The following SYF2 variants were observed in gnomAD, a reference collection of about 807,000 sequenced individuals.
SYF2 encodes the protein pre-mRNA-splicing factor SYF2.
A neutral mutation model predicts 32.7 loss-of-function variants in SYF2; 21 were observed. The observed-to-expected ratio is 0.64, with a 90% CI of 0.45 to 0.92. SYF2 has a LOEUF of 0.92. Among genes scored for constraint, SYF2 ranks in the 40% least tolerant of loss-of-function variants. SYF2 has a pLI of 0.00. For synonymous variants in SYF2, 114 were observed against 103.9 expected, an observed-to-expected ratio of 1.10 and a Z score of -0.59; for missense variants, 278 against 296.5, an observed-to-expected ratio of 0.94 and a Z score of 0.46.
intron 2 of SYF2, chr1:25,230,818 G>A (rs1470315904): frequency 7.0e-6 from 1 of 142,802 alleles, no homozygotes; most frequent in African/African-American, 3.0e-5. Context: ...AGGTATCTTA[G>A]ATTTTTTTTT....
At chr1:25,230,740 C>G (rs920700822) in intron 2 of SYF2, 1 of 151,790 alleles carries the variant, frequency 6.6e-6, no homozygotes, top group African/African-American at 2.4e-5. Context: ...GGGTTTGTAT[C>G]AGGTGACTGA....
At chr1:25,224,492 A>G (rs1251266947) in intron 6 of SYF2, among the ~76,000 whole-genome samples, 1 of 152,172 alleles carries the variant, frequency 6.6e-6, no homozygotes, top group African/African-American at 2.4e-5. Context: ...TCCTGGGCTC[A>G]AGCAATCCTT....
chr1:25,222,331 G>C lies in SYF2; in HGVS notation c.*935C>G, dbSNP rs1427217012. Among the ~76,000 whole-genome samples, 3 of 151,952 alleles carry C rather than the reference G, an allele frequency of 2.0e-5. No homozygotes were observed. In the East Asian group the frequency reaches 5.8e-4, roughly 29 times the overall value. On this transcript the variant is annotated 3_prime_UTR_variant, in exon 7 of 7. Transcript: ENST00000236273. ...GAAAAAATAACAACCTTTCCCTCTG[G>C]AGTTTTATAAAAATAAATCTATTGC...
intron 2 of SYF2, 52 bp from the exon 3 acceptor site, chr1:25,229,175 G>C: frequency 6.3e-7 from 1 of 1,590,208 alleles, no homozygotes; most frequent in Non-Finnish European, 8.5e-7. Flanking sequence ...AATAAATCCA[G>C]ATACACCTTG....
chr1:25,229,810 A>G (rs953802399), intron 2 of SYF2, among the ~76,000 whole-genome samples: 3 of 151,848 alleles, frequency 2.0e-5, no homozygotes, highest in African/African-American at 4.8e-5. Flanking sequence ...CATGATGTGA[A>G]AGACACTCTT....
chr1:25,232,289 C>A, intron 1 of SYF2, 78 bp from the exon 2 acceptor site: 2 of 1,577,790 alleles, frequency 1.3e-6, no homozygotes, highest in Admixed American at 3.6e-5. Flanking sequence ...CCCCGCCGGT[C>A]CCCACAGGCT....
chr1:25,228,937 A>G, intron 3 of SYF2, 61 bp downstream of exon 3: 1 of 1,569,842 alleles, frequency 6.4e-7, no homozygotes, highest in Non-Finnish European at 8.6e-7. Flanking sequence ...ACCATGTTGT[A>G]GTGTCTTGAT....
intron 2 of SYF2, among the ~76,000 whole-genome samples, chr1:25,229,816 CTCTT>C (rs1302874592): frequency 7.9e-5 from 12 of 151,058 alleles, no homozygotes; most frequent in South Asian, 4.2e-4. Flanking sequence ...GTGAAAGACA[CTCTT>C]TCTTTTTTTT....
In SYF2 at chr1:25,232,229, G is replaced by T; in HGVS notation, c.25-18C>A. On this transcript the variant is annotated intron_variant, in intron 1 of 6. Transcript: ENST00000236273. ...ACCAGCACCTGCGACAAGGAGAACT[G>T]GCTTCAGGCAGAGCCGGCTCAGCTT... 2 of 1,609,868 alleles carry T rather than the reference G, an allele frequency of 1.2e-6. No homozygotes were observed. The highest frequency in any genetic ancestry group is 1.1e-5 in the South Asian group (1 of 90,628).
At chr1:25,231,861 C>T (rs1638636953) in intron 2 of SYF2, 1 of 587,546 alleles carries the variant, frequency 1.7e-6, no homozygotes, top group East Asian at 2.9e-5. Context: ...CCAAACCTAA[C>T]CCAGATACAT....
Position 25,228,915 on chromosome 1 carries a change from G to A in SYF2, c.258+83C>T, listed in dbSNP as rs1638570527. On this transcript the variant is annotated intron_variant, in intron 3 of 6. Transcript: ENST00000236273. ...TTCTGGCAGCTTGGCCTAAGAGCCA[G>A]TGTATACAACCACCATGTTGTAGTG... 9.9e-6 allele frequency: 15 copies of A among 1,508,002 alleles called. No homozygotes were observed. The South Asian group carries it at 1.4e-4, about 15-fold the overall frequency. 93.4% of individuals were successfully genotyped at this position (1,508,002 alleles called of 1,614,324 possible). A position where few individuals can be genotyped will look rare whatever the true frequency, so the allele number is the denominator to read the frequency against.
chr1:25,225,002 T>C lies in SYF2; in HGVS notation c.566A>G (p.Gln189Arg). The C allele has an allele frequency of 6.2e-7, 1 of 1,609,126 alleles. No homozygotes were observed. Among genetic ancestry groups the C allele is most frequent in the South Asian group, 1.1e-5 (1 of 90,976 alleles). Reference sequence around the variant, plus strand: ...TCAAGCTGCTCTACTGAATACTTACTGTTTTTCCAGATCTATGACCATCCT... The same window carrying C: ...TCAAGCTGCTCTACTGAATACTTACCGTTTTTCCAGATCTATGACCATCCT... ...IDRMVIDLEK[Q>R]IEKRDKYSRR... The change falls in exon 6 of 7, where the codon CAG becomes CGG. Residue 189 changes from glutamine (Q) to arginine (R), a missense_variant and splice_region_variant. Coordinates refer to ENST00000236273, the MANE Select transcript of SYF2 (RefSeq NM_015484.5).
chr1:25,229,300 C>T (rs1638581095), intron 2 of SYF2, among the ~76,000 whole-genome samples, 177 bp from the exon 3 acceptor site: 8 of 152,152 alleles, frequency 5.3e-5, no homozygotes, highest in Admixed American at 5.2e-4. Flanking sequence ...ATAGGGTCTA[C>T]GTTTTTATGC....
intron 2 of SYF2, chr1:25,231,804 A>T: frequency 2.1e-6 from 1 of 468,990 alleles, no homozygotes; most frequent in East Asian, 4.1e-5. Context: ...TAAAATGAAG[A>T]ATTTGTTGGA....
Position 25,229,120 on chromosome 1 carries a change from C to T in SYF2, c.136G>A (p.Glu46Lys), listed in dbSNP as rs1473879833. Residue 46 changes from glutamate (E) to lysine (K), a missense_variant, in exon 3 of 7, where the codon GAA becomes AAA. Coordinates refer to ENST00000236273, the MANE Select transcript of SYF2 (RefSeq NM_015484.5). Reference protein sequence around the residue: ...KFRELHLMRNEARKLNHQEVV... With the variant: ...KFRELHLMRNKARKLNHQEVV... Reference sequence around the variant, plus strand: ...TCCTGGTGATTTAATTTACGAGCTTCATTCTAAAACCGTAACACAAGAAGT... The same window carrying T: ...TCCTGGTGATTTAATTTACGAGCTTTATTCTAAAACCGTAACACAAGAAGT... 1 of 1,610,696 alleles carries T rather than the reference C, an allele frequency of 6.2e-7. No individual in the cohort carries two copies. The highest frequency in any genetic ancestry group is 8.5e-7 in the Non-Finnish European group (1 of 1,179,182).
At chr1:25,230,230 TCA>T (rs1175393458) in intron 2 of SYF2, 1 of 152,130 alleles carries the variant, frequency 6.6e-6, no homozygotes, top group Non-Finnish European at 1.5e-5. Context: ...TTAAATATTT[TCA>T]CAGTTTGCAT....
chr1:25,229,784 A>T (rs962673818), intron 2 of SYF2, among the ~76,000 whole-genome samples: 4 of 151,970 alleles, frequency 2.6e-5, no homozygotes, highest in African/African-American at 7.2e-5. Flanking sequence ...CAAAAAAAAA[A>T]AAAAAAATTA....
intron 2 of SYF2, chr1:25,231,661 C>T (rs6672228): frequency 0.15 from 26,265 of 169,558 alleles, 7,337 homozygotes; most frequent in African/African-American, 0.59. Flanking sequence ...CCAGAAGTCC[C>T]AAAAACAGAT....
rs1486156653 is a variant in SYF2 at position 25,222,514 on chromosome 1, T to A, written c.*752A>T. 6.6e-6 allele frequency among the ~76,000 whole-genome samples: 1 copy of A among 151,998 alleles called. No individual in the cohort carries two copies. Among genetic ancestry groups the A allele is most frequent in the Non-Finnish European group, 1.5e-5 (1 of 68,012 alleles). On this transcript the variant is annotated 3_prime_UTR_variant, in exon 7 of 7. Transcript: ENST00000236273. ...TGAAGCAGGACTGGCCATGAGTTAA[T>A]GATTGTTGAACAGGGTACTGGGTAT...
Sources: allele counts gnomAD v4.1 joint callset (sites outside exome capture counted in the v4.1 genomes callset), GRCh38; gene constraint gnomAD v4.1.1; transcripts MANE v1.5; gene names NCBI Gene and HGNC (gene_info 2026-07-23, HGNC 2026-07-21).